PSMD6: variants seen among roughly 807,000 people sequenced by gnomAD.
PSMD6 encodes the protein 26S proteasome non-ATPase regulatory subunit 6.
PSMD6 carries 7 observed loss-of-function variants against 44.9 expected under a neutral mutation model. The ratio of observed to expected loss-of-function variants is 0.16; its 90% CI spans 0.09 to 0.29. PSMD6 has a LOEUF of 0.29. Among genes scored for constraint, PSMD6 ranks in the 10% least tolerant of loss-of-function variants. PSMD6 has a pLI of 1.00. For synonymous variants in PSMD6, 184 were observed against 172.7 expected (o/e 1.07, Z -0.51); for missense variants, 420 against 482.6 (o/e 0.87, Z 1.21).
intron 1 of PSMD6, chr3:64,023,009 T>A: frequency 7.0e-7 from 1 of 1,419,908 alleles, no homozygotes; most frequent in Non-Finnish European, 9.2e-7. Flanking sequence ...AGCACAGGGG[T>A]AAATATTAAT....
Position 64,018,656 on chromosome 3 carries a change from G to T in PSMD6, c.769C>A (p.Arg257=), listed in dbSNP as rs766026929. 2.5e-6 allele frequency: 4 copies of T among 1,606,594 alleles called. No individual in the cohort carries two copies. Among genetic ancestry groups the T allele is most frequent in the South Asian group, 1.1e-5 (1 of 90,890 alleles). ...LEVLHSLPAV[R]QYLFSLYECR... is the part of the protein sequence containing the mutation. The stretch of plus-strand genomic sequence containing the variant: ...TCATAGAGTGAAAACAGATACTGCC[G>T]AACTGCTGGAAGACTGTGCAACACT... Residue 257 remains arginine (R), a synonymous_variant, in exon 5 of 8, where the codon CGG becomes AGG. Coordinates refer to ENST00000295901, the MANE Select transcript of PSMD6 (RefSeq NM_014814.3).
intron 5 of PSMD6, chr3:64,014,911 G>C (rs951609243): frequency 6.6e-6 from 1 of 152,246 alleles, no homozygotes; most frequent in African/African-American, 2.4e-5. Context: ...CCAGTCTAAG[G>C]CAGTCAGACA....
At chr3:64,021,826 AAT>A (rs1397935221) in intron 2 of PSMD6, among the ~76,000 whole-genome samples, 1 of 152,068 alleles carries the variant, frequency 6.6e-6, no homozygotes, top group Non-Finnish European at 1.5e-5. Context: ...AAAAAAAAAA[AAT>A]TACCAAAAAG....
At position 64,022,297 on chromosome 3, in the gene PSMD6, G is replaced by A. The variant is rs758228510; in HGVS notation, c.351+21C>T. On this transcript the variant is annotated intron_variant, in intron 2 of 7. Transcript: ENST00000295901. ...TTTTAGCCTATACTAACTACAGAGA[G>A]GGAAAACCATCTCTACTCACTTTGT... 2.4e-5 allele frequency: 38 copies of A among 1,611,698 alleles called. No homozygotes were observed. The East Asian group carries it at 3.3e-4, about 14-fold the overall frequency.
intron 6 of PSMD6, 128 bp from the exon 7 acceptor site, chr3:64,011,083 A>T: frequency 1.4e-6 from 1 of 722,496 alleles, no homozygotes; most frequent in South Asian, 1.9e-5. Flanking sequence ...GTTATTGCAC[A>T]TGCAGTAGTT....
Position 64,019,290 on chromosome 3 carries a change from A to G in PSMD6, c.497+6T>C. On this transcript the variant is annotated splice_donor_region_variant and intron_variant, in intron 3 of 7. Coordinates refer to ENST00000295901, the MANE Select transcript of PSMD6 (RefSeq NM_014814.3). ...GAGAAAATATAATCCCACCCTTAGA[A>G]AGTACCTTTTGGCCTTTTCTGTGTT... The G allele has an allele frequency of 6.4e-7, 1 of 1,566,994 alleles. No individual in the cohort carries two copies. Among genetic ancestry groups the G allele is most frequent in the Non-Finnish European group, 8.8e-7 (1 of 1,137,834 alleles).
At chr3:64,019,100 G>T (rs73834181) in intron 3 of PSMD6, 63 bp from the exon 4 acceptor site, 25,863 of 1,476,034 alleles carry the variant, frequency 0.018, 266 homozygotes, top group African/African-American at 0.036. Flanking sequence ...TTAAAAACTT[G>T]TCTGTTATTT....
intron 6 of PSMD6, chr3:64,012,484 A>C (rs1465287878): frequency 6.6e-6 from 1 of 152,194 alleles, no homozygotes; most frequent in African/African-American, 2.4e-5. Context: ...TCTTATATAA[A>C]GACACTGCAT....
At chr3:64,023,771 A>G, upstream of PSMD6, 1 of 1,471,370 alleles carries the variant, frequency 6.8e-7, no homozygotes, top group South Asian at 1.2e-5. Context: ...TTGAAAACTG[A>G]AAATGTAATA....
rs543212657 is a variant in PSMD6 at position 64,017,261 on chromosome 3, G to A, written c.826+1338C>T. The A allele has an allele frequency of 6.6e-5, 10 of 152,262 alleles. No individual in the cohort carries two copies. In the East Asian group the frequency reaches 1.5e-3, roughly 24 times the overall value. The allele number at this position is 152,262 out of a possible 1,614,324, so 9.4% of individuals were successfully genotyped here. On this transcript the variant is annotated intron_variant, in intron 5 of 7. Transcript: ENST00000295901. ...CCTTGCCAATATATGAAAAAGCACT[G>A]AATTGTACACTTGAGGTAATTTTAT...
intron 5 of PSMD6, chr3:64,017,146 G>C (rs1013351926): frequency 1.3e-5 from 2 of 152,366 alleles, no homozygotes; most frequent in African/African-American, 4.8e-5. Context: ...CAGGGGCTGG[G>C]GGAAAGGAGT....
intron 6 of PSMD6, chr3:64,013,126 AC>A (rs796084767): frequency 1.0e-4 from 22 of 216,444 alleles, no homozygotes; most frequent in African/African-American, 4.3e-4. Flanking sequence ...AAGAGTCATT[AC>A]CGTAGCTGCA....
intron 6 of PSMD6, chr3:64,013,127 C>G (rs2075988418): frequency 4.6e-6 from 1 of 216,920 alleles, no homozygotes. Context: ...AGAGTCATTA[C>G]CGTAGCTGCA....
chr3:64,018,648 A>G lies in PSMD6; in HGVS notation c.777T>C (p.Tyr259=), dbSNP rs1466643385. 5 of 1,604,638 alleles carry G rather than the reference A, an allele frequency of 3.1e-6. No individual in the cohort carries two copies. The East Asian group carries it at 8.9e-5, about 29-fold the overall frequency. ...VLHSLPAVRQ[Y]LFSLYECRYS... is the part of the protein sequence containing the mutation. ...AACGGCATTCATAGAGTGAAAACAG[A>G]TACTGCCGAACTGCTGGAAGACTGT... The change falls in exon 5 of 8, where the codon TAT becomes TAC. Residue 259 remains tyrosine, a synonymous_variant. Coordinates refer to ENST00000295901, the MANE Select transcript of PSMD6 (RefSeq NM_014814.3).
chr3:64,010,771 A>ATAAATTCAAGAAAAAATGAAT lies in PSMD6; in HGVS notation c.1074-28_1074-8dup. 5.6e-6 allele frequency: 9 copies of ATAAATTCAAGAAAAAATGAAT among 1,596,182 alleles called. No homozygotes were observed. Among genetic ancestry groups the ATAAATTCAAGAAAAAATGAAT allele is most frequent in the Non-Finnish European group, 7.7e-6 (9 of 1,166,634 alleles). On this transcript the variant is annotated splice_polypyrimidine_tract_variant and splice_region_variant and intron_variant, in intron 7 of 7. Transcript: ENST00000295901. ...CCAGTTCTTGCTATCAGGTCTATAAATAAATTCAAGAAAAAATGAATTATT... is the reference window on the plus strand; with the variant it reads ...CCAGTTCTTGCTATCAGGTCTATAAATAAATTCAAGAAAAAATGAATTAAATTCAAGAAAAAATGAATTATT...
intron 1 of PSMD6, chr3:64,022,841 A>C: frequency 3.9e-6 from 6 of 1,533,818 alleles, no homozygotes; most frequent in Non-Finnish European, 5.2e-6. Context: ...ACATACTCAC[A>C]TACATATGTT....
At chr3:64,020,638 A>G (rs2076114025) in intron 2 of PSMD6, among the ~76,000 whole-genome samples, 1 of 152,196 alleles carries the variant, frequency 6.6e-6, no homozygotes, top group Non-Finnish European at 1.5e-5. Flanking sequence ...CAGAAAAGAG[A>G]AAAAAACCTC....
At chr3:64,011,138 A>AGAATAAACATGATCCT in intron 6 of PSMD6, 183 bp from the exon 7 acceptor site, 2 of 507,358 alleles carry the variant, frequency 3.9e-6, no homozygotes, top group Middle Eastern at 5.2e-4. Flanking sequence ...ATCATCTACT[A>AGAATAAACATGATCCT]GAATAAACAT....
At chr3:64,022,101 G>A (rs1015183474) in intron 2 of PSMD6, among the ~76,000 whole-genome samples, 2 of 152,204 alleles carry the variant, frequency 1.3e-5, no homozygotes, top group African/African-American at 2.4e-5. Flanking sequence ...GTGAAATGGG[G>A]AAGAATACAG....
Sources: allele counts gnomAD v4.1 joint callset (sites outside exome capture counted in the v4.1 genomes callset), GRCh38; gene constraint gnomAD v4.1.1; transcripts MANE v1.5; gene names NCBI Gene and HGNC (gene_info 2026-07-23, HGNC 2026-07-21).